The following SCGB2B2 variants were observed in gnomAD, a reference collection of about 807,000 sequenced individuals.
The protein encoded by SCGB2B2 is secretoglobin family 2B member 2, also known as secretoglobin-like protein.
SCGB2B2 carries 11 observed loss-of-function variants against 7.6 expected under a neutral mutation model. That is an observed-to-expected ratio of 1.45 (90% CI 0.91 to 2.40). The LOEUF is 2.40. SCGB2B2 is among the 30% of genes most tolerant of loss of function. The probability of loss-of-function intolerance (pLI) is 0.00; values close to 1 mark genes in which losing one functional copy is unlikely to be tolerated. For missense variants in SCGB2B2, 104 were observed against 115.4 expected (o/e 0.90, Z 0.45); for synonymous variants, 50 against 48.6 (o/e 1.03, Z -0.12).
intron 2 of SCGB2B2, 35 bp from the exon 3 acceptor site, chr19:34,594,394 A>G (rs2065384735): frequency 6.2e-7 from 1 of 1,608,550 alleles, no homozygotes; most frequent in African/African-American, 1.3e-5. Context: ...AAAACAGAGG[A>G]GGTCAGAATT....
intron 1 of SCGB2B2, among the ~76,000 whole-genome samples, chr19:34,612,141 G>C (rs2065950464): frequency 7.3e-6 from 1 of 137,538 alleles, no homozygotes; most frequent in African/African-American, 2.7e-5. Context: ...GGATTCAAGT[G>C]ATTTCCCCTG....
chr19:34,612,939 CT>C (rs559943758), intron 1 of SCGB2B2, among the ~76,000 whole-genome samples: 138 of 152,160 alleles, frequency 9.1e-4, no homozygotes, highest in African/African-American at 3.2e-3. Flanking sequence ...ATTAATGATC[CT>C]TTGTCATGGA....
At chr19:34,663,374 C>T (rs946423107) in intron 1 of SCGB2B2, among the ~76,000 whole-genome samples, 13 of 152,154 alleles carry the variant, frequency 8.5e-5, no homozygotes, top group African/African-American at 3.1e-4. Flanking sequence ...TACACAATGG[C>T]AGATTTTTTA....
At chr19:34,645,764 C>T (rs554476756) in intron 1 of SCGB2B2, 14 of 330,226 alleles carry the variant, frequency 4.2e-5, no homozygotes, top group South Asian at 3.7e-4. Context: ...ACAGGTGGCC[C>T]TGCTCCTTCA....
intron 1 of SCGB2B2, among the ~76,000 whole-genome samples, chr19:34,644,363 T>G (rs960907679): frequency 4.3e-4 from 14 of 32,842 alleles, no homozygotes; most frequent in Non-Finnish European, 8.3e-4. Flanking sequence ...TTTTTTTTTG[T>G]TTTTTTTTTT....
intron 1 of SCGB2B2, among the ~76,000 whole-genome samples, chr19:34,673,245 C>A (rs2146212769): frequency 6.6e-6 from 1 of 152,310 alleles, no homozygotes; most frequent in East Asian, 1.9e-4. Context: ...CTCTCTGCTT[C>A]ATTTTCTTTC....
chr19:34,634,193 T>C (rs986683475), intron 1 of SCGB2B2, among the ~76,000 whole-genome samples: 2 of 152,196 alleles, frequency 1.3e-5, no homozygotes, highest in African/African-American at 2.4e-5. Flanking sequence ...ATGGGGCACA[T>C]ACCCTCTATT....
At chr19:34,667,422 A>ACCTGGGC (rs961485235) in intron 1 of SCGB2B2, among the ~76,000 whole-genome samples, 1 of 151,974 alleles carries the variant, frequency 6.6e-6, no homozygotes, top group African/African-American at 2.4e-5. Flanking sequence ...GCCCAGGAGA[A>ACCTGGGC]CCTGGGCCCG....
intron 1 of SCGB2B2, among the ~76,000 whole-genome samples, chr19:34,634,015 G>A (rs1449997564): frequency 6.6e-6 from 1 of 152,138 alleles, no homozygotes; most frequent in Admixed American, 6.5e-5. Flanking sequence ...TGCTTGTGTA[G>A]CAATGGCCTA....
At chr19:34,601,988 TAA>T (rs1157868339) in intron 1 of SCGB2B2, among the ~76,000 whole-genome samples, 3 of 152,178 alleles carry the variant, frequency 2.0e-5, no homozygotes, top group African/African-American at 7.2e-5. Context: ...ACAAAAATTT[TAA>T]AAAGTATTTC....
At chr19:34,663,827 G>T (rs1048584530) in intron 1 of SCGB2B2, among the ~76,000 whole-genome samples, 1 of 152,170 alleles carries the variant, frequency 6.6e-6, no homozygotes, top group Non-Finnish European at 1.5e-5. Flanking sequence ...TGGAGATGCA[G>T]AGGGGAAAGA....
At chr19:34,629,827 C>A (rs1315690867) in intron 1 of SCGB2B2, among the ~76,000 whole-genome samples, 1 of 151,966 alleles carries the variant, frequency 6.6e-6, no homozygotes, top group Admixed American at 6.6e-5. Context: ...GCCAAAAGAA[C>A]AAAGCTGGAG....
intron 1 of SCGB2B2, among the ~76,000 whole-genome samples, chr19:34,629,694 C>T (rs1307748109): frequency 1.3e-5 from 2 of 151,912 alleles, no homozygotes; most frequent in African/African-American, 4.8e-5. Flanking sequence ...GCATATTGCC[C>T]AAGGTAATTT....
At chr19:34,644,532 G>A (rs1337095993) in intron 1 of SCGB2B2, among the ~76,000 whole-genome samples, 1 of 152,030 alleles carries the variant, frequency 6.6e-6, no homozygotes, top group Non-Finnish European at 1.5e-5. Flanking sequence ...TACCCATCAA[G>A]AAATAACTCC....
chr19:34,605,128 C>T (rs947782199), intron 1 of SCGB2B2, among the ~76,000 whole-genome samples: 1 of 152,210 alleles, frequency 6.6e-6, no homozygotes, highest in Non-Finnish European at 1.5e-5. Flanking sequence ...TGGAATCATA[C>T]AACATGCACT....
chr19:34,675,236 C>T (rs574095960), intron 1 of SCGB2B2, among the ~76,000 whole-genome samples: 2 of 152,280 alleles, frequency 1.3e-5, no homozygotes, highest in East Asian at 3.9e-4. Flanking sequence ...CTTTGGAAAA[C>T]AATTCATGAT....
At chr19:34,607,302 C>CA in intron 1 of SCGB2B2, among the ~76,000 whole-genome samples, 1 of 151,714 alleles carries the variant, frequency 6.6e-6, no homozygotes. Context: ...GATAGACAGA[C>CA]AGATAGATAG....
intron 1 of SCGB2B2, among the ~76,000 whole-genome samples, chr19:34,600,933 G>GTT (rs2065606603): frequency 6.6e-6 from 1 of 151,826 alleles, no homozygotes; most frequent in South Asian, 2.1e-4. Flanking sequence ...GTGTGTGTGT[G>GTT]TGTGTGTGCA....
intron 1 of SCGB2B2, among the ~76,000 whole-genome samples, chr19:34,622,378 T>C (rs1165027863): frequency 2.0e-5 from 3 of 152,230 alleles, no homozygotes; most frequent in African/African-American, 7.2e-5. Context: ...TTTTAGCTGC[T>C]TGCATTTCTT....
Sources: gnomAD v4.1 joint callset for allele counts (sites outside exome capture counted in the v4.1 genomes callset) on GRCh38, gnomAD v4.1.1 for gene constraint, MANE v1.5 for transcripts, NCBI Gene and HGNC (gene_info 2026-07-23, HGNC 2026-07-21) for gene names.